Variants in SAMMSON observed in about 807,000 individuals in gnomAD.
The protein encoded by SAMMSON is survival associated mitochondrial melanoma specific oncogenic non-coding RNA.
intron 4 of SAMMSON, among the ~76,000 whole-genome samples, chr3:70,080,634 G>A (rs1446333579): frequency 2.7e-5 from 4 of 150,714 alleles, no homozygotes; most frequent in African/African-American, 9.8e-5. Context: ...ACTCTTACTG[G>A]CTACAGCATT....
intron 4 of SAMMSON, chr3:70,075,511 A>G (rs1014555495): frequency 1.3e-5 from 2 of 152,168 alleles, no homozygotes; most frequent in African/African-American, 4.8e-5. Flanking sequence ...GCTGTAAGCT[A>G]AGACTTTAAG....
At chr3:70,127,123 C>G (rs1351085000) in intron 4 of SAMMSON, 2 of 152,184 alleles carry the variant, frequency 1.3e-5, no homozygotes, top group African/African-American at 4.8e-5. Flanking sequence ...ATGACAAAGG[C>G]TGTACCACTT....
chr3:70,243,565 G>A (rs989491772), intron 4 of SAMMSON, among the ~76,000 whole-genome samples: 11 of 152,078 alleles, frequency 7.2e-5, no homozygotes, highest in Non-Finnish European at 1.0e-4. Context: ...CTGCACTATC[G>A]TCATTTTGGA....
chr3:70,070,590 TA>T (rs981711711), intron 3 of SAMMSON, among the ~76,000 whole-genome samples: 206 of 142,772 alleles, frequency 1.4e-3, no homozygotes, highest in Non-Finnish European at 1.6e-3. Flanking sequence ...AAAAGGTTGC[TA>T]AAAAAAAAAA....
At chr3:70,042,214 C>G (rs905933002) in intron 3 of SAMMSON, among the ~76,000 whole-genome samples, 1 of 151,956 alleles carries the variant, frequency 6.6e-6, no homozygotes, top group African/African-American at 2.4e-5. Context: ...CCTGGGAACG[C>G]AAATCTGGAA....
At chr3:70,009,659 G>A in intron 1 of SAMMSON, among the ~76,000 whole-genome samples, 1 of 151,524 alleles carries the variant, frequency 6.6e-6, no homozygotes, top group East Asian at 1.9e-4. Context: ...TCTGGTTTTA[G>A]TTATTTCTTG....
chr3:70,185,521 A>G (rs1030413895), intron 4 of SAMMSON, among the ~76,000 whole-genome samples: 1 of 152,184 alleles, frequency 6.6e-6, no homozygotes, highest in Non-Finnish European at 1.5e-5. Flanking sequence ...TAGCTATTGT[A>G]TAAGTTTTAT....
At chr3:70,102,651 T>A (rs2067350511) in intron 4 of SAMMSON, among the ~76,000 whole-genome samples, 1 of 152,174 alleles carries the variant, frequency 6.6e-6, no homozygotes, top group African/African-American at 2.4e-5. Flanking sequence ...ATCACTGATC[T>A]TGTACGAACA....
At chr3:70,139,749 T>G (rs1171421708) in intron 4 of SAMMSON, among the ~76,000 whole-genome samples, 2 of 152,182 alleles carry the variant, frequency 1.3e-5, no homozygotes, top group Non-Finnish European at 2.9e-5. Flanking sequence ...ATTTTAAGTA[T>G]AGCCTTGATG....
chr3:70,059,754 C>T (rs2107591469), intron 3 of SAMMSON, among the ~76,000 whole-genome samples: 1 of 152,190 alleles, frequency 6.6e-6, no homozygotes, highest in East Asian at 1.9e-4. Flanking sequence ...GCCCAGTCAA[C>T]TTGACACATA....
chr3:70,103,707 T>G (rs1465265629), intron 4 of SAMMSON, among the ~76,000 whole-genome samples: 3 of 152,176 alleles, frequency 2.0e-5, no homozygotes, highest in Non-Finnish European at 4.4e-5. Context: ...GCGAAAATTC[T>G]TACTCAACTC....
At chr3:70,319,399 A>G (rs1702519394) in intron 7 of SAMMSON, among the ~76,000 whole-genome samples, 1 of 152,028 alleles carries the variant, frequency 6.6e-6, no homozygotes, top group South Asian at 2.1e-4. Context: ...TTCTTCATAT[A>G]TTTTGTCTGG....
intron 4 of SAMMSON, among the ~76,000 whole-genome samples, chr3:70,103,259 C>T (rs1351831361): frequency 6.6e-6 from 1 of 152,130 alleles, no homozygotes; most frequent in Non-Finnish European, 1.5e-5. Flanking sequence ...ACAAAGCAAA[C>T]CATCATGTAG....
chr3:70,119,073 T>C (rs943240814), intron 4 of SAMMSON, among the ~76,000 whole-genome samples: 3 of 152,178 alleles, frequency 2.0e-5, no homozygotes. Flanking sequence ...TTATTTATTA[T>C]TATTTTTTTT....
At chr3:70,252,030 A>G (rs1701774148) in intron 6 of SAMMSON, among the ~76,000 whole-genome samples, 1 of 152,206 alleles carries the variant, frequency 6.6e-6, no homozygotes, top group African/African-American at 2.4e-5. Flanking sequence ...TCAATTCTGC[A>G]TATGTGAGGA....
chr3:70,414,316 T>C (rs540675856), intron 2 of SAMMSON, among the ~76,000 whole-genome samples: 1 of 152,194 alleles, frequency 6.6e-6, no homozygotes, highest in African/African-American at 2.4e-5. Flanking sequence ...TAAAATATAA[T>C]GAGATGCTAG....
intron 3 of SAMMSON, among the ~76,000 whole-genome samples, chr3:70,060,705 G>A (rs2067184650): frequency 1.3e-5 from 2 of 152,072 alleles, no homozygotes; most frequent in Non-Finnish European, 2.9e-5. Context: ...ACAATGCACA[G>A]GACAGTCCCC....
At position 70,359,828 on chromosome 3, in the gene SAMMSON, T is replaced by C. The variant is rs192723703; in HGVS notation, n.913+1504T>C. 1.1e-3 allele frequency among the ~76,000 whole-genome samples: 167 copies of C among 152,280 alleles called. 2 individuals carry two copies. Among genetic ancestry groups the C allele is most frequent in the East Asian group, 3.1e-3 (16 of 5,166 alleles). On this transcript the variant is annotated intron_variant and non_coding_transcript_variant, in intron 9 of 9. Transcript: ENST00000642114. The stretch of plus-strand genomic sequence containing the variant: ...TAATGATTGCAATATCTCAGACCTT[T>C]ATAATGTACTAGGTTAGCATATACT...
chr3:70,420,925 A>T (rs1250847378), intron 2 of SAMMSON, among the ~76,000 whole-genome samples: 1 of 131,270 alleles, frequency 7.6e-6, no homozygotes, highest in Non-Finnish European at 1.6e-5. Context: ...CAGATGTAAG[A>T]TAACAGTTTT....
Sources: allele counts gnomAD v4.1 joint callset (sites outside exome capture counted in the v4.1 genomes callset), GRCh38; gene constraint gnomAD v4.1.1; transcripts MANE v1.5; gene names NCBI Gene and HGNC (gene_info 2026-07-23, HGNC 2026-07-21).